The following DRC8 variants were observed in gnomAD, a reference collection of about 807,000 sequenced individuals.
DRC8 encodes dynein regulatory complex protein 8.
chr1:245,120,416 C>T, the DRC8 span, among the ~76,000 whole-genome samples: 4 of 152,158 alleles, frequency 2.6e-5, no homozygotes, highest in Admixed American at 1.3e-4. Context: ...TTTATTTAAC[C>T]AGTTCCCTTC....
At chr1:245,015,955 G>A in the DRC8 span, among the ~76,000 whole-genome samples, 17 of 137,814 alleles carry the variant, frequency 1.2e-4, no homozygotes, top group African/African-American at 4.3e-4. Flanking sequence ...CCTTAAAGTA[G>A]CCTACAGGGC....
the DRC8 span, among the ~76,000 whole-genome samples, chr1:245,003,660 G>A: frequency 6.6e-6 from 1 of 152,138 alleles, no homozygotes; most frequent in Non-Finnish European, 1.5e-5. Context: ...TGGAATTATG[G>A]CTTACTGCAG....
chr1:244,996,794 A>G, the DRC8 span, among the ~76,000 whole-genome samples: 1 of 152,112 alleles, frequency 6.6e-6, no homozygotes, highest in Non-Finnish European at 1.5e-5. Context: ...CAGCCATTTA[A>G]TGTCTATTTT....
At chr1:245,011,426 G>T in the DRC8 span, among the ~76,000 whole-genome samples, 1 of 152,220 alleles carries the variant, frequency 6.6e-6, no homozygotes, top group South Asian at 2.1e-4. Flanking sequence ...AAGCAGCACA[G>T]TGGCATCACC....
At chr1:245,040,423 G>C in the DRC8 span, among the ~76,000 whole-genome samples, 9 of 152,146 alleles carry the variant, frequency 5.9e-5, 1 homozygote, top group African/African-American at 2.2e-4. Context: ...ATTGCAAAAA[G>C]TGCTGAGAGA....
At chr1:245,089,297 A>G in the DRC8 span, among the ~76,000 whole-genome samples, 1 of 152,260 alleles carries the variant, frequency 6.6e-6, no homozygotes, top group South Asian at 2.1e-4. This position sits in a 1 kb window ranked among gnomAD's most constrained non-coding sequence, Gnocchi z 4.8. Flanking sequence ...TATAGGAGGG[A>G]GATCTGGCTG....
chr1:244,969,876 G>A, the DRC8 span: 1 of 435,916 alleles, frequency 2.3e-6, no homozygotes, highest in Non-Finnish European at 4.0e-6. Context: ...GGCGGGAGGC[G>A]GGCTGCGAAT....
At chr1:245,119,735 C>T in the DRC8 span, among the ~76,000 whole-genome samples, 39 of 151,924 alleles carry the variant, frequency 2.6e-4, no homozygotes, top group African/African-American at 8.9e-4. Context: ...AGATCAAGAC[C>T]ATCCTGGCTA....
the DRC8 span, among the ~76,000 whole-genome samples, chr1:245,093,351 A>G: frequency 6.6e-6 from 1 of 152,102 alleles, no homozygotes; most frequent in Admixed American, 6.6e-5. Flanking sequence ...TATTTACCTC[A>G]TCTAGTGGAG....
the DRC8 span, among the ~76,000 whole-genome samples, chr1:244,985,881 A>G: frequency 4.0e-5 from 6 of 151,410 alleles, no homozygotes; most frequent in African/African-American, 7.3e-5. Flanking sequence ...AAAAAAATAC[A>G]TAATTGTTAT....
At chr1:244,969,899 G>A in the DRC8 span, 1 of 460,018 alleles carries the variant, frequency 2.2e-6, no homozygotes. Context: ...GAAGCGGGAG[G>A]AGGAGGCCGG....
chr1:245,084,011 A>C, the DRC8 span, among the ~76,000 whole-genome samples: 1 of 150,720 alleles, frequency 6.6e-6, no homozygotes, highest in Non-Finnish European at 1.5e-5. Flanking sequence ...ATCACTGTAA[A>C]TGAAGGCCTC....
At chr1:245,081,647 T>G in the DRC8 span, among the ~76,000 whole-genome samples, 1 of 152,088 alleles carries the variant, frequency 6.6e-6, no homozygotes, top group African/African-American at 2.4e-5. Flanking sequence ...TTTTGTATTT[T>G]TAGTAGAGAC....
chr1:245,098,428 C>T, the DRC8 span, among the ~76,000 whole-genome samples: 1 of 152,214 alleles, frequency 6.6e-6, no homozygotes, highest in East Asian at 1.9e-4. Flanking sequence ...AACCTGGGGG[C>T]AACCCAAAGT....
the DRC8 span, among the ~76,000 whole-genome samples, chr1:245,085,720 C>G: frequency 6.6e-6 from 1 of 152,126 alleles, no homozygotes; most frequent in Non-Finnish European, 1.5e-5. Context: ...TTTTCTGGTG[C>G]TGGTCGGTTT....
chr1:244,999,038 C>G, the DRC8 span, among the ~76,000 whole-genome samples: 2 of 86,578 alleles, frequency 2.3e-5, no homozygotes, highest in Non-Finnish European at 4.3e-5. Flanking sequence ...CAAAAGACAA[C>G]GAATGTTTGG....
the DRC8 span, among the ~76,000 whole-genome samples, chr1:245,077,004 C>T: frequency 3.9e-5 from 6 of 152,028 alleles, no homozygotes; most frequent in Admixed American, 6.5e-5. Context: ...GGATTACAGG[C>T]GTGAAATACA....
At chr1:245,069,437 G>A in the DRC8 span, among the ~76,000 whole-genome samples, 1 of 152,120 alleles carries the variant, frequency 6.6e-6, no homozygotes, top group African/African-American at 2.4e-5. Context: ...GAGGGGTTTG[G>A]TCTTGCTGTT....
At chr1:245,062,006 T>A in the DRC8 span, among the ~76,000 whole-genome samples, 1 of 152,030 alleles carries the variant, frequency 6.6e-6, no homozygotes, top group African/African-American at 2.4e-5. Flanking sequence ...GTTGGGAGGC[T>A]GAGGGAGGAG....
Sources: gnomAD v4.1 joint callset for allele counts (sites outside exome capture counted in the v4.1 genomes callset) on GRCh38, gnomAD v4.1.1 for gene constraint, Gnocchi (gnomAD v3.1) non-coding constraint, MANE v1.5 for transcripts, NCBI Gene and HGNC (gene_info 2026-07-23, HGNC 2026-07-21) for gene names.